Variants in CFAP92 observed in about 807,000 individuals in gnomAD.
The protein encoded by CFAP92 is uncharacterized protein CFAP92.
CFAP92 carries 86 observed loss-of-function variants against 106.3 expected under a neutral mutation model. The observed-to-expected ratio is 0.81, with a 90% CI of 0.68 to 0.97. CFAP92 has a LOEUF of 0.97. Among genes scored for constraint, CFAP92 ranks in the 50% least tolerant of loss-of-function variants. The probability of loss-of-function intolerance (pLI) is 0.00; values close to 1 mark genes in which losing one functional copy is unlikely to be tolerated. For missense variants in CFAP92, 1,204 were observed against 1,283.8 expected (o/e 0.94, Z 0.95); for synonymous variants, 477 against 506.4 (o/e 0.94, Z 0.78).
intron 2 of CFAP92, among the ~76,000 whole-genome samples, chr3:128,989,576 GC>G (rs1361668694): frequency 6.6e-6 from 1 of 152,148 alleles, no homozygotes. Context: ...AGAGTCCAGA[GC>G]CCAAGGAGCC....
chr3:129,001,851 C>A, intron 1 of CFAP92: 1 of 1,545,940 alleles, frequency 6.5e-7, no homozygotes, highest in Non-Finnish European at 8.7e-7. Context: ...CGGCCGTCTG[C>A]CCCGCGCCGA....
chr3:128,927,048 T>G (rs559300218), intron 12 of CFAP92, among the ~76,000 whole-genome samples: 10 of 151,892 alleles, frequency 6.6e-5, no homozygotes. Flanking sequence ...GAGCCGAGAT[T>G]GCACCACTGC....
chr3:128,910,298 C>T lies in CFAP92; in HGVS notation c.*1G>A, dbSNP rs1459256209. The T allele has an allele frequency of 6.7e-7, 1 of 1,502,984 alleles. No individual in the cohort carries two copies. Among genetic ancestry groups the T allele is most frequent in the Non-Finnish European group, 8.9e-7 (1 of 1,127,454 alleles). The allele number at this position is 1,502,984 out of a possible 1,614,324, so 93.1% of individuals were successfully genotyped here. On this transcript the variant is annotated 3_prime_UTR_variant, in exon 16 of 16. Transcript: ENST00000645291. Reference sequence around the variant, plus strand: ...GGTGGCCGTGGGAGGGTCTGTGCTGCTCAGGAGATGGGGCTGTTCCCTTTC... The same window carrying T: ...GGTGGCCGTGGGAGGGTCTGTGCTGTTCAGGAGATGGGGCTGTTCCCTTTC...
At position 128,910,069 on chromosome 3, in the gene CFAP92, A is replaced by C. The variant is rs745412325; in HGVS notation, c.*230T>G. The C allele has an allele frequency of 5.9e-5, 95 of 1,613,864 alleles. No homozygotes were observed. The highest frequency in any genetic ancestry group is 7.9e-5 in the Non-Finnish European group (93 of 1,179,876). On this transcript the variant is annotated 3_prime_UTR_variant, in exon 16 of 16. Coordinates refer to ENST00000645291, the MANE Select transcript of CFAP92 (RefSeq NM_001394090.1). ...ACTGAAGCGGGTGGCCAACATCCTC[A>C]TCAACCTGTATGGCATGACGGCCGT...
upstream of CFAP92, chr3:128,994,101 G>T: frequency 2.0e-6 from 2 of 985,818 alleles, no homozygotes; most frequent in Non-Finnish European, 2.4e-6. Flanking sequence ...CCGGTGCAGG[G>T]AGGGCCGCAG....
chr3:129,003,899 G>T, upstream of CFAP92: 1 of 1,374,200 alleles, frequency 7.3e-7, no homozygotes. Flanking sequence ...GGCTGCGGCG[G>T]AGGCCCGCGC....
chr3:129,025,229 G>A, the CFAP92 span, among the ~76,000 whole-genome samples: 7 of 152,274 alleles, frequency 4.6e-5, no homozygotes, highest in South Asian at 6.2e-4. Context: ...CTCCTAGAGC[G>A]AGTGCACACT....
At chr3:128,941,078 T>G (rs980867116) in intron 10 of CFAP92, among the ~76,000 whole-genome samples, 7 of 152,178 alleles carry the variant, frequency 4.6e-5, no homozygotes, top group African/African-American at 1.7e-4. Flanking sequence ...ATTTATGTCT[T>G]CCTTAATGTT....
chr3:128,998,693 CCT>C (rs1478099498), upstream of CFAP92, among the ~76,000 whole-genome samples: 1 of 152,122 alleles, frequency 6.6e-6, no homozygotes, highest in African/African-American at 2.4e-5. Flanking sequence ...TGACAAAGCA[CCT>C]TATAGTTCAT....
At position 128,987,727 on chromosome 3, in the gene CFAP92, T is replaced by C. The variant is rs201323542; in HGVS notation, c.556A>G (p.Lys186Glu). 1 of 1,614,004 alleles carries C rather than the reference T, an allele frequency of 6.2e-7. No homozygotes were observed. ...KELLKKINFH[K>E]ITLRLWNTKD... ...GTGTTCCAGAGCCTCAAGGTGATTT[T>C]GTGGAAATTTATTTTCTTTAATAAT... Residue 186 changes from lysine to glutamate, a missense_variant, in exon 4 of 16, where the codon AAA (lysine) becomes GAA (glutamate). Coordinates refer to ENST00000645291, the MANE Select transcript of CFAP92 (RefSeq NM_001394090.1).
chr3:129,005,064 C>T (rs1159263812), upstream of CFAP92, among the ~76,000 whole-genome samples: 1 of 152,216 alleles, frequency 6.6e-6, no homozygotes, highest in Non-Finnish European at 1.5e-5. Flanking sequence ...GTCACCCCTG[C>T]CTGCTGGCCG....
chr3:128,933,360 T>C (rs955232200), intron 11 of CFAP92, among the ~76,000 whole-genome samples: 7 of 151,978 alleles, frequency 4.6e-5, no homozygotes, highest in Non-Finnish European at 1.0e-4. Context: ...GAGGACATCA[T>C]ACACCGAGCC....
At chr3:128,994,076 TGA>T, upstream of CFAP92, 2 of 985,768 alleles carry the variant, frequency 2.0e-6, no homozygotes, top group Non-Finnish European at 2.4e-6. Context: ...ACTCCAAGAC[TGA>T]GAGGAGCGTC....
At chr3:129,002,366 A>G (rs1576687741) in intron 1 of CFAP92, 1 of 1,489,416 alleles carries the variant, frequency 6.7e-7, no homozygotes, top group Non-Finnish European at 8.9e-7. Context: ...CGCCCGGGAG[A>G]GGGCTCGAAC....
intron 12 of CFAP92, among the ~76,000 whole-genome samples, chr3:128,920,406 G>GA (rs888163671): frequency 8.1e-5 from 12 of 149,062 alleles, no homozygotes; most frequent in African/African-American, 1.7e-4. Context: ...TCCATCTCAA[G>GA]AAAAAAAAAT....
At chr3:128,913,051 C>T (rs921142488) in intron 15 of CFAP92, 3 of 455,730 alleles carry the variant, frequency 6.6e-6, no homozygotes, top group Non-Finnish European at 1.3e-5. Context: ...AGCAGAGGCA[C>T]TTAAAACATG....
intron 8 of CFAP92, 162 bp downstream of exon 8, chr3:128,971,125 T>A: frequency 9.1e-7 from 1 of 1,096,338 alleles, no homozygotes. Context: ...GGGCCTTTGT[T>A]TCCCCCTGTA....
At chr3:129,001,685 G>T (rs1361731061) in intron 1 of CFAP92, 10 of 1,483,826 alleles carry the variant, frequency 6.7e-6, no homozygotes, top group Middle Eastern at 2.0e-4. Flanking sequence ...GAGGTGACCC[G>T]TACCGGCGAC....
At chr3:128,995,361 G>A (rs1367318726), upstream of CFAP92, among the ~76,000 whole-genome samples, 1 of 152,124 alleles carries the variant, frequency 6.6e-6, no homozygotes. Context: ...AAATGGCAGT[G>A]GGCCCTGTGA....
Sources: gnomAD v4.1 joint callset for allele counts (sites outside exome capture counted in the v4.1 genomes callset) on GRCh38, gnomAD v4.1.1 for gene constraint, MANE v1.5 for transcripts, NCBI Gene and HGNC (gene_info 2026-07-23, HGNC 2026-07-21) for gene names.